Variants in PCCA observed in about 807,000 individuals in gnomAD.
The protein encoded by PCCA is propionyl-CoA carboxylase alpha chain, mitochondrial.
Under a neutral mutation model 101.3 loss-of-function variants are expected in PCCA, and 74 were observed. The observed-to-expected ratio is 0.73, with a 90% CI of 0.61 to 0.89. The LOEUF (loss-of-function observed/expected upper bound fraction) is 0.89. Ranked by LOEUF, PCCA falls within the 40% of genes least tolerant of loss-of-function variation. The pLI, the probability that PCCA is intolerant of heterozygous loss-of-function variation, is 0.00. For missense variants in PCCA, 891 were observed against 907.0 expected (o/e 0.98, Z 0.23); for synonymous variants, 294 against 313.6 (o/e 0.94, Z 0.66).
At chr13:100,217,212 C>T (rs947415106) in intron 7 of PCCA, among the ~76,000 whole-genome samples, 6 of 151,860 alleles carry the variant, frequency 4.0e-5, no homozygotes, top group South Asian at 2.1e-4. Context: ...TTTGGGAGGC[C>T]GAGGTGGGTG....
At chr13:100,267,636 T>C (rs2063032289) in intron 10 of PCCA, among the ~76,000 whole-genome samples, 1 of 152,178 alleles carries the variant, frequency 6.6e-6, no homozygotes, top group African/African-American at 2.4e-5. Context: ...ACCTAATATA[T>C]GTATTCAGAA....
At chr13:100,410,647 G>A (rs950456797) in intron 19 of PCCA, among the ~76,000 whole-genome samples, 1 of 152,136 alleles carries the variant, frequency 6.6e-6, no homozygotes, top group Non-Finnish European at 1.5e-5. Context: ...TTATTCTGAA[G>A]TATTTTATAG....
At chr13:100,511,354 C>T (rs765761951) in intron 21 of PCCA, among the ~76,000 whole-genome samples, 3 of 152,164 alleles carry the variant, frequency 2.0e-5, no homozygotes, top group East Asian at 1.9e-4. Context: ...TGCCACGCTG[C>T]GGAAATGAAG....
At chr13:100,185,495 A>G (rs1160840422) in intron 6 of PCCA, among the ~76,000 whole-genome samples, 1 of 152,016 alleles carries the variant, frequency 6.6e-6, no homozygotes, top group Non-Finnish European at 1.5e-5. Context: ...GACCACAGGC[A>G]CAAGCCACCG....
intron 2 of PCCA, among the ~76,000 whole-genome samples, chr13:100,103,178 C>T (rs1401605821): frequency 1.3e-5 from 2 of 152,100 alleles, no homozygotes; most frequent in African/African-American, 2.4e-5. Flanking sequence ...GTATTTATAT[C>T]TTTAGCAAAA....
chr13:100,172,935 T>C (rs1460781439), intron 6 of PCCA, among the ~76,000 whole-genome samples: 2 of 152,204 alleles, frequency 1.3e-5, no homozygotes, highest in African/African-American at 2.4e-5. Flanking sequence ...CGGACTATGC[T>C]ACCTCTGAAG....
Position 100,116,742 on chromosome 13 carries a change from A to G in PCCA, c.300+4681A>G, listed in dbSNP as rs116731333. The stretch of plus-strand genomic sequence containing the variant: ...GTGGAGTAGCTGGGTCTTAGGGTAG[A>G]TAAGGAGTTGGCAACCTTTTTTTGT... On this transcript the variant is annotated intron_variant, in intron 4 of 23. Transcript: ENST00000376285. Among the ~76,000 whole-genome samples the G allele has an allele frequency of 9.8e-3, 1,489 of 152,250 alleles. 31 individuals are homozygous for G. Among genetic ancestry groups the G allele is most frequent in the African/African-American group, 0.034 (1,425 of 41,544 alleles).
intron 4 of PCCA, among the ~76,000 whole-genome samples, chr13:100,122,918 A>G (rs2049550959): frequency 6.6e-6 from 1 of 152,188 alleles, no homozygotes; most frequent in Admixed American, 6.5e-5. Context: ...GATCTCATTC[A>G]TGAGGTCTCT....
At chr13:100,343,922 A>G (rs888541138) in intron 18 of PCCA, among the ~76,000 whole-genome samples, 12 of 152,104 alleles carry the variant, frequency 7.9e-5, no homozygotes, top group African/African-American at 2.9e-4. Flanking sequence ...TAAAAATACA[A>G]AAATTAGCCA....
At chr13:100,204,401 A>G (rs181813523) in intron 6 of PCCA, among the ~76,000 whole-genome samples, 9 of 152,254 alleles carry the variant, frequency 5.9e-5, no homozygotes, top group Non-Finnish European at 2.9e-5. Flanking sequence ...CGGCCTCCCA[A>G]AGTGCTGAGA....
chr13:100,257,776 A>G, intron 9 of PCCA, 103 bp downstream of exon 9: 1 of 777,098 alleles, frequency 1.3e-6, no homozygotes, highest in Non-Finnish European at 2.3e-6. Flanking sequence ...GAGTAATTAC[A>G]GTAACCATCT....
chr13:100,292,745 T>G (rs533108701), intron 12 of PCCA, among the ~76,000 whole-genome samples: 1 of 152,216 alleles, frequency 6.6e-6, no homozygotes, highest in African/African-American at 2.4e-5. Flanking sequence ...ACAAACATAT[T>G]TGAAATATTA....
At chr13:100,276,849 T>C (rs796583412) in intron 12 of PCCA, among the ~76,000 whole-genome samples, 12 of 152,344 alleles carry the variant, frequency 7.9e-5, no homozygotes, top group Admixed American at 2.0e-4. Flanking sequence ...TTGTAGTACA[T>C]GTCTGATAAT....
At chr13:100,349,559 G>C (rs539442931) in intron 18 of PCCA, among the ~76,000 whole-genome samples, 2 of 152,182 alleles carry the variant, frequency 1.3e-5, no homozygotes, top group Non-Finnish European at 2.9e-5. Flanking sequence ...CACCACGCCC[G>C]GCCACTTTCT....
intron 6 of PCCA, among the ~76,000 whole-genome samples, chr13:100,166,069 A>G (rs2055008964): frequency 6.6e-6 from 1 of 152,206 alleles, no homozygotes; most frequent in African/African-American, 2.4e-5. Context: ...AGAATAAAGA[A>G]TGTATCCTTC....
chr13:100,301,807 T>C (rs577903831), intron 13 of PCCA, among the ~76,000 whole-genome samples: 1 of 152,338 alleles, frequency 6.6e-6, no homozygotes, highest in East Asian at 1.9e-4. Context: ...TTAATTGTCA[T>C]GTATTTGTAG....
At chr13:100,184,945 AATCT>A (rs1326115390) in intron 6 of PCCA, among the ~76,000 whole-genome samples, 1 of 152,202 alleles carries the variant, frequency 6.6e-6, no homozygotes, top group Non-Finnish European at 1.5e-5. Flanking sequence ...TATTAACTGA[AATCT>A]ATCTGTTTAG....
intron 19 of PCCA, among the ~76,000 whole-genome samples, chr13:100,372,368 A>AAAACG: frequency 6.6e-6 from 1 of 151,990 alleles, no homozygotes; most frequent in East Asian, 1.9e-4. Context: ...AAAACAAAAC[A>AAAACG]AAACAAAACA....
rs535272088 is a variant in PCCA, at chr13:100,506,666, G to T, written c.1900-8761G>T. Among the ~76,000 whole-genome samples, 122 of 152,212 alleles carry T rather than the reference G, an allele frequency of 8.0e-4. 1 individual carries two copies. The East Asian group carries it at 0.016, about 20-fold the overall frequency. On this transcript the variant is annotated intron_variant, in intron 21 of 23. Transcript: ENST00000376285. ...TTCCCAGGTGCTCCAACCTGGGGGGGACTGAGGACTTACATGGGAAGTCAG... is the reference window on the plus strand; with the variant it reads ...TTCCCAGGTGCTCCAACCTGGGGGGTACTGAGGACTTACATGGGAAGTCAG...
Sources: allele counts gnomAD v4.1 joint callset (sites outside exome capture counted in the v4.1 genomes callset), GRCh38; gene constraint gnomAD v4.1.1; transcripts MANE v1.5; gene names NCBI Gene and HGNC (gene_info 2026-07-23, HGNC 2026-07-21).